BTBD9: variants seen among roughly 807,000 people sequenced by gnomAD.
BTBD9 encodes the protein BTB/POZ domain-containing protein 9.
A neutral mutation model predicts 64.3 loss-of-function variants in BTBD9; 49 were observed. The ratio of observed to expected loss-of-function variants is 0.76; its 90% CI spans 0.61 to 0.97. The LOEUF is 0.97. BTBD9 is among the 50% of genes least tolerant of loss of function. The probability of loss-of-function intolerance (pLI) is 0.00; values close to 1 mark genes in which losing one functional copy is unlikely to be tolerated. For missense variants in BTBD9, 598 were observed against 762.1 expected (o/e 0.78, Z 2.53); for synonymous variants, 260 against 274.7 (o/e 0.95, Z 0.53).
chr6:38,237,744 T>C (rs1763828313), intron 9 of BTBD9, among the ~76,000 whole-genome samples: 1 of 152,104 alleles, frequency 6.6e-6, no homozygotes, highest in South Asian at 2.1e-4. Context: ...ATTTCAAGTG[T>C]CAAGAAAAAA....
At chr6:38,573,355 C>T (rs143829950) in intron 6 of BTBD9, among the ~76,000 whole-genome samples, 1,795 of 151,988 alleles carry the variant, frequency 0.012, 21 homozygotes, top group South Asian at 0.052. Context: ...GAGATATTTC[C>T]ATTTTGATAA....
intron 6 of BTBD9, among the ~76,000 whole-genome samples, chr6:38,391,861 G>C (rs151204085): frequency 6.0e-4 from 91 of 152,262 alleles, no homozygotes; most frequent in African/African-American, 2.1e-3. Context: ...TCATTAAACA[G>C]TAGCTGATCG....
intron 6 of BTBD9, among the ~76,000 whole-genome samples, chr6:38,382,139 G>A (rs527684844): frequency 1.7e-4 from 26 of 152,296 alleles, no homozygotes; most frequent in South Asian, 1.0e-3. Context: ...AGCTGCTGCA[G>A]TAAGAGAGCA....
chr6:38,249,254 T>C (rs1404895744), intron 9 of BTBD9, among the ~76,000 whole-genome samples: 1 of 149,732 alleles, frequency 6.7e-6, no homozygotes, highest in African/African-American at 2.6e-5. Context: ...AGTGATCTTC[T>C]TTCTTTCTTT....
intron 2 of BTBD9, among the ~76,000 whole-genome samples, chr6:38,596,373 G>C (rs910504362): frequency 6.6e-6 from 1 of 152,164 alleles, no homozygotes; most frequent in Non-Finnish European, 1.5e-5. Flanking sequence ...CAAAGTATTT[G>C]AGTTTTTTTT....
rs540098212 is a variant in BTBD9, at chr6:38,400,148, G to A, written c.1155-55055C>T. ...CTGTACCTGTGTTCCTGACCCCATCGGGTCCTGTTTCCTTCACCAGTTCCT... is the reference window on the plus strand; with the variant it reads ...CTGTACCTGTGTTCCTGACCCCATCAGGTCCTGTTTCCTTCACCAGTTCCT... On this transcript the variant is annotated intron_variant, in intron 6 of 10. Coordinates refer to ENST00000481247, the MANE Select transcript of BTBD9 (RefSeq NM_001099272.2). Among the ~76,000 whole-genome samples the A allele has an allele frequency of 6.6e-5, 10 of 152,034 alleles. No homozygotes were observed. The East Asian group carries it at 1.9e-3, about 29-fold the overall frequency.
chr6:38,462,600 G>A (rs1281853325), intron 6 of BTBD9, among the ~76,000 whole-genome samples: 7 of 151,886 alleles, frequency 4.6e-5, no homozygotes, highest in East Asian at 1.9e-4. Flanking sequence ...TTTCAAATCC[G>A]TTTTGACTAA....
chr6:38,457,010 A>G lies in BTBD9; in HGVS notation c.1155-111917T>C, dbSNP rs533923912. Among the ~76,000 whole-genome samples the G allele has an allele frequency of 1.0e-3, 156 of 152,344 alleles. 1 individual carries two copies. The highest frequency in any genetic ancestry group is 3.7e-3 in the African/African-American group (152 of 41,584). Reference sequence around the variant, plus strand: ...ATATTTAAACTAAGGTCCAAATGATAAGAAGCCAGACAGAAGAATATCCAG... The same window carrying G: ...ATATTTAAACTAAGGTCCAAATGATGAGAAGCCAGACAGAAGAATATCCAG... On this transcript the variant is annotated intron_variant, in intron 6 of 10. Coordinates refer to ENST00000481247, the MANE Select transcript of BTBD9 (RefSeq NM_001099272.2).
chr6:38,511,541 C>T (rs1300229562), intron 6 of BTBD9, among the ~76,000 whole-genome samples: 1 of 151,920 alleles, frequency 6.6e-6, no homozygotes, highest in African/African-American at 2.4e-5. Context: ...CAAGATCTCC[C>T]TATGTTGCCC....
At chr6:38,601,371 T>G (rs1777233420) in intron 1 of BTBD9, among the ~76,000 whole-genome samples, 1 of 152,204 alleles carries the variant, frequency 6.6e-6, no homozygotes, top group South Asian at 2.1e-4. Context: ...AATGGGATAG[T>G]TTACCTACAA....
At chr6:38,324,590 T>C (rs1475725992) in intron 7 of BTBD9, among the ~76,000 whole-genome samples, 1 of 152,062 alleles carries the variant, frequency 6.6e-6, no homozygotes, top group African/African-American at 2.4e-5. Flanking sequence ...TGTACTAGGG[T>C]AACAGCAGTA....
chr6:38,487,125 C>T (rs944600291), intron 6 of BTBD9, among the ~76,000 whole-genome samples: 1 of 152,184 alleles, frequency 6.6e-6, no homozygotes, highest in Admixed American at 6.5e-5. Context: ...ATATAAAGAA[C>T]AATTTAAAAT....
intron 10 of BTBD9, among the ~76,000 whole-genome samples, chr6:38,182,543 G>A (rs1761606213): frequency 6.6e-6 from 1 of 152,200 alleles, no homozygotes; most frequent in Non-Finnish European, 1.5e-5. Context: ...CACCAAGAGA[G>A]CCTAGCCATG....
At chr6:38,354,172 T>A (rs960295628) in intron 6 of BTBD9, among the ~76,000 whole-genome samples, 6 of 151,886 alleles carry the variant, frequency 4.0e-5, no homozygotes, top group African/African-American at 1.5e-4. Flanking sequence ...AAAACAGAAG[T>A]GAAAACTAAG....
At chr6:38,439,803 CCCT>C (rs1249664297) in intron 6 of BTBD9, among the ~76,000 whole-genome samples, 4 of 152,166 alleles carry the variant, frequency 2.6e-5, no homozygotes, top group African/African-American at 9.7e-5. Context: ...AAGAAATCCT[CCCT>C]CCTCAACCTC....
chr6:38,279,542 G>A (rs1761422484), intron 8 of BTBD9, among the ~76,000 whole-genome samples: 1 of 152,094 alleles, frequency 6.6e-6, no homozygotes, highest in Non-Finnish European at 1.5e-5. Flanking sequence ...TGTATTAAAT[G>A]TGTACAAATT....
intron 6 of BTBD9, among the ~76,000 whole-genome samples, chr6:38,438,254 G>GGAAA (rs150694344): frequency 0.044 from 4,222 of 96,784 alleles, 360 homozygotes; most frequent in Non-Finnish European, 0.056. Flanking sequence ...GAGGGAGGAA[G>GGAAA]GAAGGAAGGA....
At chr6:38,561,416 C>T (rs1052815194) in intron 6 of BTBD9, among the ~76,000 whole-genome samples, 4 of 152,118 alleles carry the variant, frequency 2.6e-5, no homozygotes, top group African/African-American at 9.7e-5. Context: ...CTTAGAACTA[C>T]CATTCAATCC....
intron 6 of BTBD9, among the ~76,000 whole-genome samples, chr6:38,470,931 C>T (rs1290785461): frequency 1.3e-5 from 2 of 152,182 alleles, no homozygotes; most frequent in African/African-American, 4.8e-5. Flanking sequence ...TTAACATGCA[C>T]TGAACGAAGT....
Sources: allele counts gnomAD v4.1 joint callset (sites outside exome capture counted in the v4.1 genomes callset), GRCh38; gene constraint gnomAD v4.1.1; transcripts MANE v1.5; gene names NCBI Gene and HGNC (gene_info 2026-07-23, HGNC 2026-07-21).